CNTNAP5: variants seen among roughly 807,000 people sequenced by gnomAD.
The protein encoded by CNTNAP5 is contactin associated protein family member 5.
A neutral mutation model predicts 150.2 loss-of-function variants in CNTNAP5; 72 were observed. The ratio of observed to expected loss-of-function variants is 0.48; its 90% CI spans 0.40 to 0.58. CNTNAP5 has a LOEUF of 0.58. Among genes scored for constraint, CNTNAP5 ranks in the 20% least tolerant of loss-of-function variants. The probability of loss-of-function intolerance (pLI) is 0.00; values close to 1 mark genes in which losing one functional copy is unlikely to be tolerated. For synonymous variants in CNTNAP5, 672 were observed against 619.8 expected (o/e 1.08, Z -1.25); for missense variants, 1,636 against 1,626.2 (o/e 1.01, Z -0.10).
intron 10 of CNTNAP5, among the ~76,000 whole-genome samples, chr2:124,535,464 C>T (rs1198757919): frequency 6.6e-6 from 1 of 152,082 alleles, no homozygotes; most frequent in Non-Finnish European, 1.5e-5. Flanking sequence ...TTTTCTCCCA[C>T]ACACATTCAT....
intron 16 of CNTNAP5, among the ~76,000 whole-genome samples, chr2:124,768,952 G>C (rs1198297990): frequency 6.6e-6 from 1 of 152,108 alleles, no homozygotes; most frequent in Admixed American, 6.6e-5. Context: ...ATTTTATTTA[G>C]TTCATATTTC....
chr2:124,210,212 A>T (rs1399880112), intron 1 of CNTNAP5, among the ~76,000 whole-genome samples: 1 of 152,332 alleles, frequency 6.6e-6, no homozygotes, highest in Non-Finnish European at 1.5e-5. Context: ...GAATATAAAT[A>T]TATGGTTTTT....
chr2:124,062,343 A>G (rs1682032222), intron 1 of CNTNAP5, among the ~76,000 whole-genome samples: 1 of 152,184 alleles, frequency 6.6e-6, no homozygotes, highest in Admixed American at 6.5e-5. Context: ...TCTTTGGCTC[A>G]GAATGCTCTT....
At chr2:124,704,555 G>T (rs193073164) in intron 13 of CNTNAP5, among the ~76,000 whole-genome samples, 66 of 152,236 alleles carry the variant, frequency 4.3e-4, no homozygotes, top group African/African-American at 1.6e-3. Context: ...ATAGGGAAGT[G>T]ATTTTAAAAT....
intron 18 of CNTNAP5, among the ~76,000 whole-genome samples, chr2:124,794,897 CATT>C (rs1469977505): frequency 6.6e-6 from 1 of 152,156 alleles, no homozygotes; most frequent in Non-Finnish European, 1.5e-5. Context: ...GCCACAGGAT[CATT>C]ATTATAATAA....
chr2:124,501,092 G>C (rs1694269706), intron 7 of CNTNAP5, among the ~76,000 whole-genome samples: 1 of 152,278 alleles, frequency 6.6e-6, no homozygotes, highest in Middle Eastern at 3.4e-3. Flanking sequence ...ACCCATGGCA[G>C]CTCACTGACT....
chr2:124,802,817 C>T (rs1042256579), intron 19 of CNTNAP5, among the ~76,000 whole-genome samples: 1 of 152,134 alleles, frequency 6.6e-6, no homozygotes. Flanking sequence ...AGAAAGGATC[C>T]TTCCCTGGCT....
intron 17 of CNTNAP5, among the ~76,000 whole-genome samples, chr2:124,786,743 C>T (rs1267627930): frequency 6.6e-6 from 1 of 152,100 alleles, no homozygotes; most frequent in Admixed American, 6.5e-5. Flanking sequence ...GGGAAGATTA[C>T]TGTTGCCTTT....
intron 19 of CNTNAP5, among the ~76,000 whole-genome samples, chr2:124,810,602 A>T (rs1682194256): frequency 6.6e-6 from 1 of 152,184 alleles, no homozygotes; most frequent in Non-Finnish European, 1.5e-5. Flanking sequence ...TGCCATCATG[A>T]AGATTGCCTG....
chr2:124,850,736 G>C (rs1353963601), intron 19 of CNTNAP5, among the ~76,000 whole-genome samples: 1 of 152,138 alleles, frequency 6.6e-6, no homozygotes, highest in African/African-American at 2.4e-5. Flanking sequence ...AATCAGCATG[G>C]AGAGAGAGAA....
intron 3 of CNTNAP5, among the ~76,000 whole-genome samples, chr2:124,287,900 T>C (rs1573892623): frequency 6.6e-6 from 1 of 152,198 alleles, no homozygotes; most frequent in East Asian, 1.9e-4. Context: ...TAATAAAGAC[T>C]ACGGATTGTA....
intron 1 of CNTNAP5, among the ~76,000 whole-genome samples, chr2:124,039,376 G>T (rs1681306099): frequency 6.6e-6 from 1 of 152,154 alleles, no homozygotes; most frequent in Non-Finnish European, 1.5e-5. Context: ...TGAAACCCAA[G>T]CATAGACAGA....
chr2:124,765,541 T>C (rs1360624726), intron 16 of CNTNAP5, among the ~76,000 whole-genome samples: 1 of 152,158 alleles, frequency 6.6e-6, no homozygotes, highest in African/African-American at 2.4e-5. Flanking sequence ...TAACTTTCCC[T>C]CAGAATATAA....
intron 1 of CNTNAP5, among the ~76,000 whole-genome samples, chr2:124,207,984 T>C (rs1214387417): frequency 1.3e-5 from 2 of 152,150 alleles, no homozygotes; most frequent in African/African-American, 4.8e-5. Flanking sequence ...AGAATCACAA[T>C]TGTAATTCAG....
At chr2:124,387,267 C>T (rs1389560542) in intron 3 of CNTNAP5, among the ~76,000 whole-genome samples, 1 of 152,160 alleles carries the variant, frequency 6.6e-6, no homozygotes, top group Non-Finnish European at 1.5e-5. Context: ...CATGCTTAGG[C>T]TATTTTGGCT....
intron 13 of CNTNAP5, among the ~76,000 whole-genome samples, chr2:124,648,428 G>A (rs1192899221): frequency 6.6e-6 from 1 of 152,132 alleles, no homozygotes; most frequent in African/African-American, 2.4e-5. Flanking sequence ...GTTAGGCAGG[G>A]AGGCCAGCAA....
At chr2:124,448,173 C>A (rs2104807725) in intron 6 of CNTNAP5, among the ~76,000 whole-genome samples, 2 of 152,000 alleles carry the variant, frequency 1.3e-5, no homozygotes, top group African/African-American at 4.8e-5. Context: ...GAGGCTGAGG[C>A]AGGAGAATTG....
intron 4 of CNTNAP5, among the ~76,000 whole-genome samples, chr2:124,420,971 C>T (rs548615267): frequency 1.3e-5 from 2 of 152,330 alleles, no homozygotes; most frequent in South Asian, 2.1e-4. Flanking sequence ...TCAGTGGACA[C>T]TTAATGTTTC....
intron 21 of CNTNAP5, among the ~76,000 whole-genome samples, chr2:124,886,974 C>T (rs926124407): frequency 6.6e-6 from 1 of 152,018 alleles, no homozygotes; most frequent in Non-Finnish European, 1.5e-5. Context: ...TGTGTGTGGT[C>T]ATCCTGGATA....
Sources: gnomAD v4.1 joint callset for allele counts (sites outside exome capture counted in the v4.1 genomes callset) on GRCh38, gnomAD v4.1.1 for gene constraint, MANE v1.5 for transcripts, NCBI Gene and HGNC (gene_info 2026-07-23, HGNC 2026-07-21) for gene names.